DDO: variants seen among roughly 807,000 people sequenced by gnomAD.
DDO encodes D-aspartate oxidase, DDO.
In DDO, 16 loss-of-function variants were observed where a neutral mutation model predicts 16.8. The observed-to-expected ratio is 0.95, with a 90% CI of 0.65 to 1.45. The LOEUF (loss-of-function observed/expected upper bound fraction) is 1.45, where lower values mean the gene tolerates loss of function less well. Among genes scored for constraint, DDO ranks in the 40% most tolerant of loss-of-function variants. The pLI is 0.00. For synonymous variants in DDO, 180 were observed against 167.2 expected (o/e 1.08, Z -0.59); for missense variants, 429 against 420.3 (o/e 1.02, Z -0.18).
At chr6:110,412,747 G>GT (rs756770437) in intron 2 of DDO, among the ~76,000 whole-genome samples, 3 of 152,242 alleles carry the variant, frequency 2.0e-5, no homozygotes, top group Non-Finnish European at 4.4e-5. Flanking sequence ...TCCACATGTA[G>GT]TGTGAGCAAG....
intron 1 of DDO, 75 bp downstream of exon 1, chr6:110,415,392 C>G: frequency 1.2e-5 from 19 of 1,588,470 alleles, no homozygotes; most frequent in Non-Finnish European, 1.5e-5. Flanking sequence ...GTCCCCTGAC[C>G]CTATTCAGAC....
intron 4 of DDO, among the ~76,000 whole-genome samples, chr6:110,404,391 T>C (rs1416815202): frequency 6.6e-5 from 10 of 152,174 alleles, no homozygotes; most frequent in Admixed American, 6.5e-4. Flanking sequence ...GATTCTCTCG[T>C]CCAAAGAATT....
chr6:110,414,014 C>T (rs1038268430), intron 1 of DDO, among the ~76,000 whole-genome samples: 24 of 152,084 alleles, frequency 1.6e-4, no homozygotes, highest in African/African-American at 3.6e-4. Flanking sequence ...CCTTGTGATC[C>T]GCCGGCCCCA....
intron 4 of DDO, among the ~76,000 whole-genome samples, chr6:110,398,568 G>A (rs1410413913): frequency 1.3e-5 from 2 of 152,138 alleles, no homozygotes; most frequent in Admixed American, 6.5e-5. Context: ...GCTGTGATGC[G>A]GACAGCCTGT....
rs5879067 is a variant in DDO at position 110,400,348 on chromosome 6, C to CGGG, written c.458+4423_458+4425dup. Among the ~76,000 whole-genome samples the CGGG allele has an allele frequency of 2.7e-3, 374 of 136,540 alleles. 25 individuals carry two copies. Among genetic ancestry groups the CGGG allele is most frequent in the African/African-American group, 9.6e-3 (346 of 35,962 alleles). 89.6% of individuals were successfully genotyped at this position (136,540 alleles called of 152,430 possible). A position where few individuals can be genotyped will look rare whatever the true frequency, so the allele number is the denominator to read the frequency against. Reference sequence around the variant, plus strand: ...GAGGGTGCGCAGGAGCGGGCCGGGGCGGGGACTGGCGCCTCATCACGGGCC... The same window carrying CGGG: ...GAGGGTGCGCAGGAGCGGGCCGGGGCGGGGGGGACTGGCGCCTCATCACGGGCC... On this transcript the variant is annotated intron_variant, in intron 4 of 4. Transcript: ENST00000368924.
At position 110,392,678 on chromosome 6, in the gene DDO, T is replaced by C. The variant is rs906247713; in HGVS notation, c.*97A>G. 2 of 1,417,098 alleles carry C rather than the reference T, an allele frequency of 1.4e-6. No individual in the cohort carries two copies. 87.8% of individuals were successfully genotyped at this position (1,417,098 alleles called of 1,614,324 possible). A position where few individuals can be genotyped will look rare whatever the true frequency, so the allele number is the denominator to read the frequency against. ...ACTTCTAATGTTGAAAACAAAGAAA[T>C]GTCTAATTAAACTTTCATGCAGTGG... On this transcript the variant is annotated 3_prime_UTR_variant, in exon 5 of 5. Coordinates refer to ENST00000368924, the MANE Select transcript of DDO (RefSeq NM_001372108.2).
chr6:110,412,195 A>G (rs1006845962), intron 2 of DDO, among the ~76,000 whole-genome samples: 2 of 152,124 alleles, frequency 1.3e-5, no homozygotes, highest in East Asian at 3.9e-4. Context: ...ACAGTGAGTC[A>G]GTGAGCCAGG....
At position 110,392,947 on chromosome 6, in the gene DDO, C is replaced by G. The variant is rs750781798; in HGVS notation, c.854G>C (p.Arg285Pro). The G allele has an allele frequency of 6.2e-7, 1 of 1,614,160 alleles. No homozygotes were observed. The highest frequency in any genetic ancestry group is 1.3e-5 in the African/African-American group (1 of 75,060). ...TCGCGCAAGGAGCTCTGTCTGCAGT[C>G]GCACGCCTGGCCTGTAGGGCCTCAA... ...VGLRPYRPGV[R>P]LQTELLARDG... The change falls in exon 5 of 5, where the codon CGA (arginine) becomes CCA (proline). Residue 285 changes from arginine (R) to proline (P), a missense_variant. Coordinates refer to ENST00000368924, the MANE Select transcript of DDO (RefSeq NM_001372108.2).
chr6:110,404,768 A>C lies in DDO; in HGVS notation c.458+6T>G, dbSNP rs1773590113. 1 of 1,613,932 alleles carries C rather than the reference A, an allele frequency of 6.2e-7. No individual in the cohort carries two copies. The highest frequency in any genetic ancestry group is 2.2e-5 in the East Asian group (1 of 44,888). On this transcript the variant is annotated splice_donor_region_variant and intron_variant, in intron 4 of 4. Coordinates refer to ENST00000368924, the MANE Select transcript of DDO (RefSeq NM_001372108.2). ...TAAGGAAATATCAGGGAGCATTTCA[A>C]CTGACCTTTTCTCCAACCACGGGAG...
At chr6:110,411,968 T>G (rs1773872482) in intron 2 of DDO, among the ~76,000 whole-genome samples, 7 of 152,160 alleles carry the variant, frequency 4.6e-5, no homozygotes, top group Admixed American at 4.6e-4. Context: ...ATCAATGCAT[T>G]GGTGGGGCAT....
chr6:110,400,344 G>GGGGGGT (rs1303613533), intron 4 of DDO, among the ~76,000 whole-genome samples: 1 of 87,212 alleles, frequency 1.1e-5, no homozygotes, highest in Non-Finnish European at 2.3e-5. Flanking sequence ...GGAGCGGGCC[G>GGGGGGT]GGGCGGGGAC....
At chr6:110,400,980 T>C (rs2114821380) in intron 4 of DDO, among the ~76,000 whole-genome samples, 1 of 152,322 alleles carries the variant, frequency 6.6e-6, no homozygotes. Context: ...AGGATCCCCA[T>C]ATTCCCTGTC....
chr6:110,388,676 A>G (rs1185789996), downstream of DDO: 1 of 386,516 alleles, frequency 2.6e-6, no homozygotes, highest in Non-Finnish European at 3.5e-6. Flanking sequence ...CTGCTGAAGA[A>G]GCACACGCTG....
At chr6:110,408,149 T>C (rs1005630247) in intron 3 of DDO, among the ~76,000 whole-genome samples, 185 bp downstream of exon 3, 5 of 152,222 alleles carry the variant, frequency 3.3e-5, no homozygotes, top group Non-Finnish European at 7.3e-5. Context: ...TGTTAAAAAG[T>C]CTAATACCAT....
intron 4 of DDO, among the ~76,000 whole-genome samples, chr6:110,399,360 A>G (rs1562260454): frequency 6.6e-6 from 1 of 152,210 alleles, no homozygotes; most frequent in East Asian, 1.9e-4. Context: ...TTGAGTGAGA[A>G]CACTGAAGGC....
At chr6:110,388,811 T>A (rs1465382246), downstream of DDO, 2 of 983,134 alleles carry the variant, frequency 2.0e-6, no homozygotes, top group Non-Finnish European at 2.4e-6. Flanking sequence ...TTCTTCATGT[T>A]CAGAAAAAAA....
At chr6:110,412,348 C>T (rs1040731902) in intron 2 of DDO, among the ~76,000 whole-genome samples, 1 of 152,032 alleles carries the variant, frequency 6.6e-6, no homozygotes, top group Non-Finnish European at 1.5e-5. Flanking sequence ...TGTTCTTATA[C>T]AGGCTTAGAA....
At chr6:110,409,000 C>A (rs1773757727) in intron 2 of DDO, among the ~76,000 whole-genome samples, 2 of 152,202 alleles carry the variant, frequency 1.3e-5, no homozygotes, top group African/African-American at 4.8e-5. Flanking sequence ...GGCTTGCATG[C>A]TGGAGGCGAG....
At chr6:110,407,898 T>C (rs1773710146) in intron 3 of DDO, among the ~76,000 whole-genome samples, 1 of 152,202 alleles carries the variant, frequency 6.6e-6, no homozygotes, top group Non-Finnish European at 1.5e-5. Context: ...AATTTCCTTC[T>C]TTGGAATATC....
Sources: gnomAD v4.1 joint callset for allele counts (sites outside exome capture counted in the v4.1 genomes callset) on GRCh38, gnomAD v4.1.1 for gene constraint, MANE v1.5 for transcripts, NCBI Gene and HGNC (gene_info 2026-07-23, HGNC 2026-07-21) for gene names.